Variants in FBXO32 observed in about 807,000 individuals in gnomAD.
The protein encoded by FBXO32 is F-box protein 32.
A neutral mutation model predicts 48.3 loss-of-function variants in FBXO32; 15 were observed. The observed-to-expected ratio is 0.31, with a 90% CI of 0.21 to 0.48. The LOEUF is 0.48. Ranked by LOEUF, FBXO32 falls within the 20% of genes least tolerant of loss-of-function variation. The probability of loss-of-function intolerance (pLI) is 0.99; values close to 1 mark genes in which losing one functional copy is unlikely to be tolerated. For synonymous variants in FBXO32, 154 were observed against 165.9 expected (o/e 0.93, Z 0.55); for missense variants, 309 against 432.7 (o/e 0.71, Z 2.54).
At chr8:123,533,039 G>A (rs1461167367) in intron 3 of FBXO32, 152 bp downstream of exon 3, 27 of 619,028 alleles carry the variant, frequency 4.4e-5, no homozygotes, top group Middle Eastern at 2.7e-4. Context: ...AAACTCTGAT[G>A]GTTGGCTAAA....
At position 123,540,845 on chromosome 8, in the gene FBXO32, G is replaced by GTTTCGGGGCT; in HGVS notation, c.116+53_116+54insAGCCCCGAAA. The GTTTCGGGGCT allele has an allele frequency of 1.3e-6, 2 of 1,483,160 alleles. No individual in the cohort carries two copies. Among genetic ancestry groups the GTTTCGGGGCT allele is most frequent in the South Asian group, 2.3e-5 (2 of 86,134 alleles). 91.9% of individuals were successfully genotyped at this position (1,483,160 alleles called of 1,614,324 possible). On this transcript the variant is annotated intron_variant, in intron 1 of 8. Transcript: ENST00000517956. This position sits in a 1 kb window ranked among gnomAD's most constrained non-coding sequence, Gnocchi z 6.4. ...TCATTCGCCGTCCCTGCGCCCCCCA[G>GTTTCGGGGCT]ACCAGCCCGGGTCAGTTTCGCGGGG...
In FBXO32 at chr8:123,506,454, C is replaced by A. The variant is rs376074767; in HGVS notation, c.772G>T (p.Val258Leu). The A allele has an allele frequency of 6.2e-7, 1 of 1,614,122 alleles. No homozygotes were observed. Among genetic ancestry groups the A allele is most frequent in the Admixed American group, 1.7e-5 (1 of 60,034 alleles). The change falls in exon 7 of 9, where the codon GTG (valine) becomes TTG (leucine). Residue 258 changes from valine (V) to leucine (L), a missense_variant. Val to Leu is a conservative substitution (Grantham distance 32). Transcript: ENST00000517956. This position sits in a 1 kb window ranked among gnomAD's most constrained non-coding sequence, Gnocchi z 4.0. ...CACAGCAGCCGGTCTTCGCTGAGCA[C>A]GTGCAGGTCGGGGGCAGCCTGGCCC... The part of the protein sequence containing the change: ...SLGQAAPDLH[V>L]LSEDRLLWKK...
At chr8:123,529,717 A>G (rs907739319) in intron 4 of FBXO32, among the ~76,000 whole-genome samples, 12 of 152,168 alleles carry the variant, frequency 7.9e-5, no homozygotes, top group African/African-American at 2.2e-4. Flanking sequence ...CTGTACTGCC[A>G]TTTGTTTAAA....
At chr8:123,518,895 C>T (rs1259356788) in intron 4 of FBXO32, among the ~76,000 whole-genome samples, 1 of 152,134 alleles carries the variant, frequency 6.6e-6, no homozygotes, top group Non-Finnish European at 1.5e-5. Flanking sequence ...AGTCATGGCT[C>T]ACTGTAGCCT....
At position 123,504,600 on chromosome 8, in the gene FBXO32, A is replaced by G. The variant is rs776105536; in HGVS notation, c.978+4T>C. On this transcript the variant is annotated splice_donor_region_variant and intron_variant, in intron 8 of 8. Transcript: ENST00000517956. ...TCTGTGGCAGCCACCTCTGAGACAC[A>G]TACCTTCCAGGAAAGGATGTGACAG... 1.2e-6 allele frequency: 2 copies of G among 1,612,218 alleles called. No individual in the cohort carries two copies. Among genetic ancestry groups the G allele is most frequent in the Admixed American group, 1.7e-5 (1 of 59,816 alleles).
intron 4 of FBXO32, among the ~76,000 whole-genome samples, chr8:123,526,041 C>T (rs1320596435): frequency 3.9e-5 from 6 of 151,990 alleles, no homozygotes; most frequent in Non-Finnish European, 7.4e-5. Flanking sequence ...GAACAATCAT[C>T]CCTAGTGTTT....
chr8:123,510,079 C>T (rs995807445), intron 6 of FBXO32, among the ~76,000 whole-genome samples: 4 of 152,230 alleles, frequency 2.6e-5, no homozygotes, highest in African/African-American at 9.7e-5. Flanking sequence ...ATTTACAATT[C>T]TTCACTAGGT....
At chr8:123,503,526 A>G (rs1816543286) in intron 8 of FBXO32, 64 bp from the exon 9 acceptor site, 1 of 1,343,964 alleles carries the variant, frequency 7.4e-7, no homozygotes, top group East Asian at 2.3e-5. Context: ...TTAGCACCAT[A>G]AGGCATTTTC....
At chr8:123,527,979 A>G (rs1342429817) in intron 4 of FBXO32, among the ~76,000 whole-genome samples, 1 of 152,254 alleles carries the variant, frequency 6.6e-6, no homozygotes, top group African/African-American at 2.4e-5. Context: ...TTAATGTCTC[A>G]GTGCACTTTG....
At chr8:123,516,165 T>A (rs758259739) in intron 4 of FBXO32, among the ~76,000 whole-genome samples, 1 of 152,172 alleles carries the variant, frequency 6.6e-6, no homozygotes, top group Non-Finnish European at 1.5e-5. Context: ...AGAGTCCTTC[T>A]CAACACAGGA....
At position 123,534,818 on chromosome 8, in the gene FBXO32, T is replaced by C. The variant is rs757336664; in HGVS notation, c.117-4A>G. 17 of 1,584,958 alleles carry C rather than the reference T, an allele frequency of 1.1e-5. No individual in the cohort carries two copies. The highest frequency in any genetic ancestry group is 2.2e-5 in the East Asian group (1 of 44,678). ...GTATACCTCCTTGTTGCAGTAACTA[T>C]GAATAACAGAAGACAAAGAGGATGA... On this transcript the variant is annotated splice_polypyrimidine_tract_variant and splice_region_variant and intron_variant, in intron 1 of 8. Transcript: ENST00000517956.
intron 3 of FBXO32, 51 bp downstream of exon 3, chr8:123,533,140 T>C: frequency 7.2e-7 from 1 of 1,379,852 alleles, no homozygotes; most frequent in Non-Finnish European, 1.0e-6. Flanking sequence ...CCCTGCGCTA[T>C]CAGGAAGGGA....
At chr8:123,534,860 A>G (rs1458824621) in intron 1 of FBXO32, 46 bp from the exon 2 acceptor site, 3 of 1,237,182 alleles carry the variant, frequency 2.4e-6, no homozygotes, top group South Asian at 1.2e-5. Flanking sequence ...ACAGCTATAC[A>G]TGAACCTGAG....
At chr8:123,504,239 G>A (rs147425384) in intron 8 of FBXO32, among the ~76,000 whole-genome samples, 3 of 152,052 alleles carry the variant, frequency 2.0e-5, no homozygotes, top group East Asian at 1.9e-4. Flanking sequence ...TTACATTATC[G>A]CATGGACCCT....
rs1373479196 is a variant in FBXO32, at chr8:123,525,591, C to G, written c.372+6307G>C. Among the ~76,000 whole-genome samples, 1 of 152,178 alleles carries G rather than the reference C, an allele frequency of 6.6e-6. No individual in the cohort carries two copies. The highest frequency in any genetic ancestry group is 1.5e-5 in the Non-Finnish European group (1 of 68,030). ...GGCAGGCTCCATTTTGCATTTTGCC[C>G]TCTAAGCAATGCAGTCGAAAGGAGA... is the stretch of plus-strand genomic sequence containing the variant. On this transcript the variant is annotated intron_variant, in intron 4 of 8. Transcript: ENST00000517956. This position sits in a 1 kb window ranked among gnomAD's most constrained non-coding sequence, Gnocchi z 4.3.
At chr8:123,504,576 C>G in intron 8 of FBXO32, 28 bp downstream of exon 8, 1 of 1,600,510 alleles carries the variant, frequency 6.2e-7, no homozygotes. Context: ...GGCTGGGGGT[C>G]TGTGGCAGCC....
Position 123,506,705 on chromosome 8 carries a change from T to A in FBXO32, c.652-131A>T. The A allele has an allele frequency of 1.4e-6, 1 of 713,604 alleles. No homozygotes were observed. 44.2% of individuals were successfully genotyped at this position (713,604 alleles called of 1,614,324 possible). A position where few individuals can be genotyped will look rare whatever the true frequency, so the allele number is the denominator to read the frequency against. On this transcript the variant is annotated intron_variant, in intron 6 of 8. Transcript: ENST00000517956. The surrounding 1 kb of genome is among the most constrained non-coding windows in gnomAD (Gnocchi z 4.0). Reference sequence around the variant, plus strand: ...TTTATTGATAAGAGGTCGAAAGCAGTAGTAAATCTCCCCATCCTAAATGCA... The same window carrying A: ...TTTATTGATAAGAGGTCGAAAGCAGAAGTAAATCTCCCCATCCTAAATGCA...
Position 123,506,547 on chromosome 8 carries a change from C to A in FBXO32, c.679G>T (p.Asp227Tyr). Residue 227 changes from aspartate to tyrosine, a missense_variant, in exon 7 of 9, where the codon GAC becomes TAC. Asp to Tyr is a radical substitution (Grantham distance 160). Transcript: ENST00000517956. The surrounding 1 kb of genome is among the most constrained non-coding windows in gnomAD (Gnocchi z 4.0). The stretch of plus-strand genomic sequence containing the variant: ...TTCAGTTGTAGGCACAAAGGCAGGT[C>A]AGTGAAGGTGAGGCCTTTGAAGGCA... ...RPAFKGLTFT[D>Y]LPLCLQLNIM... The A allele has an allele frequency of 6.2e-7, 1 of 1,604,352 alleles. No homozygotes were observed. The highest frequency in any genetic ancestry group is 1.1e-5 in the South Asian group (1 of 90,462).
chr8:123,514,164 C>A (rs948301023), intron 5 of FBXO32, 76 bp downstream of exon 5: 2 of 1,007,392 alleles, frequency 2.0e-6, no homozygotes, highest in East Asian at 2.6e-5. Flanking sequence ...TCTAATGACA[C>A]GTCCACTTCA....
Sources: gnomAD v4.1 joint callset for allele counts (sites outside exome capture counted in the v4.1 genomes callset) on GRCh38, gnomAD v4.1.1 for gene constraint, Gnocchi (gnomAD v3.1) non-coding constraint, MANE v1.5 for transcripts, NCBI Gene and HGNC (gene_info 2026-07-23, HGNC 2026-07-21) for gene names.